The following NELL1 variants were observed in gnomAD, a reference collection of about 807,000 sequenced individuals.
NELL1 encodes the protein protein kinase C-binding protein NELL1.
A neutral mutation model predicts 107.4 loss-of-function variants in NELL1; 76 were observed. That is an observed-to-expected ratio of 0.71 (90% confidence interval 0.59 to 0.86). The LOEUF (loss-of-function observed/expected upper bound fraction) is 0.86, where lower values mean the gene tolerates loss of function less well. NELL1 is among the 40% of genes least tolerant of loss of function. NELL1 has a pLI of 0.00. For missense variants in NELL1, 1,024 were observed against 1,005.5 expected, an observed-to-expected ratio of 1.02 and a Z score of -0.25; for synonymous variants, 353 against 341.2, an observed-to-expected ratio of 1.03 and a Z score of -0.38.
chr11:21,380,171 A>G (rs574573202), intron 15 of NELL1, among the ~76,000 whole-genome samples: 3 of 152,160 alleles, frequency 2.0e-5, no homozygotes, highest in East Asian at 1.9e-4. Context: ...GGCAACTTCT[A>G]TCATCAACGT....
intron 15 of NELL1, among the ~76,000 whole-genome samples, chr11:21,528,297 T>A (rs1348649040): frequency 1.3e-5 from 2 of 152,118 alleles, no homozygotes; most frequent in African/African-American, 4.8e-5. Flanking sequence ...CCAAAATTCA[T>A]GCTGATTTTG....
chr11:20,712,708 G>T (rs1327822298), intron 2 of NELL1, among the ~76,000 whole-genome samples: 1 of 152,128 alleles, frequency 6.6e-6, no homozygotes, highest in Non-Finnish European at 1.5e-5. Context: ...CTACGGATGG[G>T]GCTTACTGAG....
Position 21,099,220 on chromosome 11 carries a change from C to CACAA in NELL1, c.1301-14366_1301-14365insAACA, listed in dbSNP as rs1554967527. ...ACACACACACACACACACACACACA[C>CACAA]ACACACACACACAAACACACACACA... On this transcript the variant is annotated intron_variant, in intron 12 of 19. Coordinates refer to ENST00000357134, the MANE Select transcript of NELL1 (RefSeq NM_006157.5). Among the ~76,000 whole-genome samples the CACAA allele has an allele frequency of 2.2e-3, 316 of 142,346 alleles. 3 individuals are homozygous for CACAA. The highest frequency in any genetic ancestry group is 0.021 in the South Asian group (91 of 4,362). 93.4% of individuals were successfully genotyped at this position (142,346 alleles called of 152,430 possible). A position where few individuals can be genotyped will look rare whatever the true frequency, so the allele number is the denominator to read the frequency against.
At chr11:21,430,210 C>T (rs1852932019) in intron 15 of NELL1, among the ~76,000 whole-genome samples, 1 of 152,122 alleles carries the variant, frequency 6.6e-6, no homozygotes, top group Non-Finnish European at 1.5e-5. Flanking sequence ...ACTCAATTTA[C>T]CTTTCTAATT....
At chr11:21,544,762 G>T (rs978434689) in intron 16 of NELL1, among the ~76,000 whole-genome samples, 1 of 151,626 alleles carries the variant, frequency 6.6e-6, no homozygotes, top group Non-Finnish European at 1.5e-5. Context: ...TTATGGATTT[G>T]GTTTCTATTA....
At chr11:21,339,706 C>T (rs1204987904) in intron 14 of NELL1, among the ~76,000 whole-genome samples, 1 of 152,128 alleles carries the variant, frequency 6.6e-6, no homozygotes, top group Admixed American at 6.5e-5. Context: ...TCTGCCATTC[C>T]CACAATCAAA....
intron 12 of NELL1, among the ~76,000 whole-genome samples, chr11:21,047,628 G>T (rs551425379): frequency 5.8e-4 from 88 of 152,168 alleles, no homozygotes; most frequent in Non-Finnish European, 7.6e-4. Context: ...ACCAGAACTG[G>T]CTTTTATCTT....
At chr11:20,942,479 G>A (rs1394224532) in intron 10 of NELL1, among the ~76,000 whole-genome samples, 1 of 152,114 alleles carries the variant, frequency 6.6e-6, no homozygotes, top group African/African-American at 2.4e-5. Flanking sequence ...GAGTAGGGGA[G>A]TAGGGGAGTA....
intron 12 of NELL1, among the ~76,000 whole-genome samples, chr11:21,062,816 GTTTA>G (rs202007953): frequency 3.4e-4 from 51 of 151,446 alleles, no homozygotes; most frequent in African/African-American, 7.0e-4. Context: ...TTGTTTGTTT[GTTTA>G]TTTATTTATT....
intron 4 of NELL1, among the ~76,000 whole-genome samples, chr11:20,860,642 C>G (rs1361864774): frequency 6.6e-6 from 1 of 152,184 alleles, no homozygotes; most frequent in African/African-American, 2.4e-5. Flanking sequence ...ACGAAGTAAT[C>G]CTAGCAGTTT....
At chr11:20,729,062 G>A (rs1002653676) in intron 2 of NELL1, among the ~76,000 whole-genome samples, 3 of 151,720 alleles carry the variant, frequency 2.0e-5, no homozygotes, top group African/African-American at 7.3e-5. Flanking sequence ...TTTTTTTTAT[G>A]GCTATTATAA....
intron 14 of NELL1, among the ~76,000 whole-genome samples, chr11:21,341,767 A>G (rs1457292795): frequency 6.6e-6 from 1 of 152,236 alleles, no homozygotes; most frequent in Non-Finnish European, 1.5e-5. Context: ...ACTGGTTTCA[A>G]AGAAAGAGCA....
intron 2 of NELL1, among the ~76,000 whole-genome samples, chr11:20,766,244 C>T (rs1333261143): frequency 1.3e-5 from 2 of 152,140 alleles, no homozygotes; most frequent in Non-Finnish European, 1.5e-5. Context: ...CACTTTATAG[C>T]AGTGAGAGGA....
intron 14 of NELL1, among the ~76,000 whole-genome samples, chr11:21,306,578 T>A (rs1453340971): frequency 6.6e-6 from 1 of 152,032 alleles, no homozygotes; most frequent in East Asian, 1.9e-4. Flanking sequence ...CTGAGAGCAA[T>A]TATCCCTTTA....
At position 21,218,590 on chromosome 11, in the gene NELL1, A is replaced by G. The variant is rs991510921; in HGVS notation, c.1427-10742A>G. Among the ~76,000 whole-genome samples, 9 of 152,132 alleles carry G rather than the reference A, an allele frequency of 5.9e-5. 1 individual carries two copies. The highest frequency in any genetic ancestry group is 2.2e-4 in the African/African-American group (9 of 41,438). Reference sequence around the variant, plus strand: ...ACAGTGTTATAGAACACTACAACTTATTCTTTAGCTATAATTTTCTGTCTC... The same window carrying G: ...ACAGTGTTATAGAACACTACAACTTGTTCTTTAGCTATAATTTTCTGTCTC... On this transcript the variant is annotated intron_variant, in intron 13 of 19. Coordinates refer to ENST00000357134, the MANE Select transcript of NELL1 (RefSeq NM_006157.5).
intron 15 of NELL1, among the ~76,000 whole-genome samples, chr11:21,386,109 C>G (rs1265417205): frequency 3.3e-5 from 5 of 151,762 alleles, no homozygotes; most frequent in African/African-American, 1.2e-4. Context: ...TCTCTTCCAT[C>G]TCTTCTTACC....
At position 21,560,715 on chromosome 11, in the gene NELL1, C is replaced by G. The variant is rs535141172; in HGVS notation, c.1980+333C>G. Among the ~76,000 whole-genome samples, 30 of 152,146 alleles carry G rather than the reference C, an allele frequency of 2.0e-4. 1 individual carries two copies. The South Asian group carries it at 6.2e-3, about 32-fold the overall frequency. ...AGAGTTTTAATGAGCCCTCATCCCA[C>G]GCTTATACAAACTTGCTGATTAAAA... On this transcript the variant is annotated intron_variant, in intron 17 of 19. Transcript: ENST00000357134.
At chr11:21,016,122 A>G (rs548042454) in intron 12 of NELL1, among the ~76,000 whole-genome samples, 2 of 152,166 alleles carry the variant, frequency 1.3e-5, no homozygotes, top group African/African-American at 4.8e-5. Flanking sequence ...TAACGAATAT[A>G]TCCGAAGCCT....
intron 15 of NELL1, among the ~76,000 whole-genome samples, chr11:21,474,955 C>T (rs1259854397): frequency 6.6e-6 from 1 of 152,074 alleles, no homozygotes; most frequent in East Asian, 1.9e-4. Context: ...TATCTTAGTT[C>T]AATGCGTATC....
Sources: allele counts gnomAD v4.1 joint callset (sites outside exome capture counted in the v4.1 genomes callset), GRCh38; gene constraint gnomAD v4.1.1; transcripts MANE v1.5; gene names NCBI Gene and HGNC (gene_info 2026-07-23, HGNC 2026-07-21).